Variants in SP100 observed in about 807,000 individuals in gnomAD.
SP100 encodes the protein nuclear autoantigen Sp-100.
In SP100, 84 loss-of-function variants were observed where a neutral mutation model predicts 130.0. The observed-to-expected ratio is 0.65, with a 90% confidence interval of 0.54 to 0.77. SP100 has a LOEUF of 0.77. SP100 is among the 30% of genes least tolerant of loss of function. The pLI is 0.00. For synonymous variants in SP100, 331 were observed against 351.7 expected, an observed-to-expected ratio of 0.94 and a Z score of 0.66; for missense variants, 978 against 1,052.2, an observed-to-expected ratio of 0.93 and a Z score of 0.97.
intron 2 of SP100, among the ~76,000 whole-genome samples, chr2:230,437,137 A>G (rs1177208663): frequency 1.3e-5 from 2 of 152,122 alleles, no homozygotes; most frequent in Non-Finnish European, 2.9e-5. Flanking sequence ...GTTAGTTTTT[A>G]TTTCATAGTT....
At chr2:230,494,325 A>G in intron 17 of SP100, 91 bp from the exon 18 acceptor site, 1 of 1,050,960 alleles carries the variant, frequency 9.5e-7, no homozygotes, top group East Asian at 2.4e-5. Context: ...AAGGAAAACA[A>G]AATTCAATGC....
Position 230,458,185 on chromosome 2 carries a change from T to C in SP100, c.821-3077T>C, listed in dbSNP as rs568627152. 2.6e-5 allele frequency among the ~76,000 whole-genome samples: 4 copies of C among 152,338 alleles called. No homozygotes were observed. In the East Asian group the frequency reaches 7.7e-4, roughly 29 times the overall value. On this transcript the variant is annotated intron_variant, in intron 8 of 28. Transcript: ENST00000340126. ...ATTCCCCAAAACTTAACAACTGCTG[T>C]TGACCAGAAGCCTTACTGATAACAT...
chr2:230,485,898 T>C (rs547387064), intron 17 of SP100, among the ~76,000 whole-genome samples: 4 of 152,334 alleles, frequency 2.6e-5, no homozygotes, highest in Non-Finnish European at 1.5e-5. Context: ...GTCAACACTC[T>C]GCATTCTGTC....
chr2:230,447,496 T>C (rs977538605), intron 5 of SP100, among the ~76,000 whole-genome samples: 2 of 152,224 alleles, frequency 1.3e-5, no homozygotes, highest in African/African-American at 4.8e-5. Context: ...AAGTCTCAGG[T>C]TGTGGCCTGT....
chr2:230,420,528 C>CT (rs2062738276), intron 2 of SP100, among the ~76,000 whole-genome samples: 1 of 151,876 alleles, frequency 6.6e-6, no homozygotes, highest in African/African-American at 2.4e-5. Context: ...TTATAGACAC[C>CT]TTTTTTCAAG....
chr2:230,474,818 G>A (rs1022555245), intron 17 of SP100, among the ~76,000 whole-genome samples: 2 of 152,056 alleles, frequency 1.3e-5, no homozygotes, highest in African/African-American at 4.8e-5. Context: ...AGTTGCTTAG[G>A]ATAATGGCCT....
intron 9 of SP100, 104 bp downstream of exon 9, chr2:230,461,518 T>G: frequency 2.6e-6 from 3 of 1,172,746 alleles, no homozygotes; most frequent in East Asian, 2.4e-5. Flanking sequence ...TAGCCTGGGA[T>G]GGAGGCAGGA....
At chr2:230,477,087 G>A (rs143507600) in intron 17 of SP100, among the ~76,000 whole-genome samples, 50 of 152,132 alleles carry the variant, frequency 3.3e-4, no homozygotes, top group African/African-American at 1.1e-3. Context: ...GGATGGTCTC[G>A]ATCTCCTGAC....
In SP100 at chr2:230,462,488, G is replaced by T. The variant is rs202126936; in HGVS notation, c.1027G>T (p.Val343Phe). 3 of 1,613,894 alleles carry T rather than the reference G, an allele frequency of 1.9e-6. No individual in the cohort carries two copies. Among genetic ancestry groups the T allele is most frequent in the Non-Finnish European group, 2.5e-6 (3 of 1,179,844 alleles). The change falls in exon 10 of 29, where the codon GTC becomes TTC. Residue 343 changes from valine (V) to phenylalanine (F), a missense_variant. Transcript: ENST00000340126. ...GSTDVDEPLEVFISAPRSEPV... is the reference protein window; with the variant it reads ...GSTDVDEPLEFFISAPRSEPV... Reference sequence around the variant, plus strand: ...CACTGACGTTGATGAGCCCTTAGAAGTCTTCATCTCAGCACCGAGAAGTGA... The same window carrying T: ...CACTGACGTTGATGAGCCCTTAGAATTCTTCATCTCAGCACCGAGAAGTGA...
chr2:230,542,646 T>C (rs1205367333), intron 28 of SP100, among the ~76,000 whole-genome samples, 190 bp from the exon 29 acceptor site: 1 of 152,184 alleles, frequency 6.6e-6, no homozygotes. Context: ...GATTTCAGTG[T>C]AGTAGTATTT....
chr2:230,441,655 A>G (rs1298868020), intron 2 of SP100, among the ~76,000 whole-genome samples: 2 of 151,356 alleles, frequency 1.3e-5, no homozygotes, highest in Non-Finnish European at 2.9e-5. Flanking sequence ...TTTATACAAA[A>G]TCCAGTAGCG....
In SP100 at chr2:230,535,492, A is replaced by G. The variant is rs533250786; in HGVS notation, c.2095-3775A>G. 2.1e-4 allele frequency among the ~76,000 whole-genome samples: 32 copies of G among 152,322 alleles called. No individual in the cohort carries two copies. In the South Asian group the frequency reaches 3.7e-3, roughly 18 times the overall value. ...GCTGCCTTTAACAATTGAGAGGAGCATTACTCTTGTAAACTAAGTTTGAGG... is the reference window on the plus strand; with the variant it reads ...GCTGCCTTTAACAATTGAGAGGAGCGTTACTCTTGTAAACTAAGTTTGAGG... On this transcript the variant is annotated intron_variant, in intron 24 of 28. Transcript: ENST00000340126.
intron 3 of SP100, 73 bp downstream of exon 3, chr2:230,443,172 A>G: frequency 1.4e-6 from 2 of 1,469,366 alleles, no homozygotes; most frequent in Non-Finnish European, 1.9e-6. Context: ...ATCCTAGACC[A>G]AAACTTCAGG....
chr2:230,490,838 T>C (rs1422379571), intron 17 of SP100, among the ~76,000 whole-genome samples: 2 of 152,036 alleles, frequency 1.3e-5, no homozygotes, highest in Non-Finnish European at 2.9e-5. Context: ...GCTTGTAGAG[T>C]TTCTGTTGAG....
At chr2:230,474,495 AT>A in intron 17 of SP100, 48 bp downstream of exon 17, 2 of 863,390 alleles carry the variant, frequency 2.3e-6, no homozygotes, top group Non-Finnish European at 1.9e-6. Flanking sequence ...CAAATGAACT[AT>A]TTTTTAATGC....
chr2:230,530,052 C>G lies in SP100; in HGVS notation c.2095-9215C>G, dbSNP rs529321025. The stretch of plus-strand genomic sequence containing the variant: ...GCTATCCCCATCAAGCTACCACTGA[C>G]TTTCTTCACAGAATTGGAAAAAACT... On this transcript the variant is annotated intron_variant, in intron 24 of 28. Coordinates refer to ENST00000340126, the MANE Select transcript of SP100 (RefSeq NM_001080391.2). 6.6e-5 allele frequency among the ~76,000 whole-genome samples: 10 copies of G among 152,322 alleles called. No homozygotes were observed. The South Asian group carries it at 2.1e-3, about 32-fold the overall frequency.
At chr2:230,535,589 C>A (rs747620422) in intron 24 of SP100, among the ~76,000 whole-genome samples, 8 of 152,156 alleles carry the variant, frequency 5.3e-5, no homozygotes, top group Non-Finnish European at 1.0e-4. Context: ...TAATTCATGG[C>A]AATGTGTTTG....
At chr2:230,424,442 G>A (rs1173097011) in intron 2 of SP100, among the ~76,000 whole-genome samples, 2 of 152,102 alleles carry the variant, frequency 1.3e-5, no homozygotes, top group East Asian at 1.9e-4. Context: ...TGAGGCAGGC[G>A]GATCACCTGA....
chr2:230,497,231 T>G (rs2066719223), intron 18 of SP100, among the ~76,000 whole-genome samples: 1 of 152,106 alleles, frequency 6.6e-6, no homozygotes, highest in Admixed American at 6.6e-5. Context: ...ACTACTTGTA[T>G]ACCTCTAATT....
Sources: gnomAD v4.1 joint callset for allele counts (sites outside exome capture counted in the v4.1 genomes callset) on GRCh38, gnomAD v4.1.1 for gene constraint, MANE v1.5 for transcripts, NCBI Gene and HGNC (gene_info 2026-07-23, HGNC 2026-07-21) for gene names.